The following LRIG3 variants were observed in gnomAD, a reference collection of about 807,000 sequenced individuals.
The protein encoded by LRIG3 is leucine-rich repeats and immunoglobulin-like domains protein 3.
Under a neutral mutation model 114.5 loss-of-function variants are expected in LRIG3, and 76 were observed. The observed-to-expected ratio is 0.66, with a 90% CI of 0.55 to 0.80. The LOEUF (loss-of-function observed/expected upper bound fraction) is 0.80. LRIG3 is among the 30% of genes least tolerant of loss of function. The pLI is 0.00. For synonymous variants in LRIG3, 512 were observed against 519.8 expected (o/e 0.98, Z 0.20); for missense variants, 1,239 against 1,382.8 (o/e 0.90, Z 1.65).
intron 8 of LRIG3, 177 bp from the exon 9 acceptor site, chr12:58,887,067 C>T (rs1284802488): frequency 3.8e-6 from 2 of 529,400 alleles, no homozygotes; most frequent in African/African-American, 3.9e-5. Context: ...TGCCTGATTC[C>T]CTCAACAACA....
intron 1 of LRIG3, chr12:58,919,649 G>T: frequency 7.2e-7 from 1 of 1,379,608 alleles, no homozygotes; most frequent in Non-Finnish European, 9.7e-7. Flanking sequence ...GCAGGTTGCC[G>T]CTTATCTCCC....
intron 3 of LRIG3, among the ~76,000 whole-genome samples, chr12:58,900,431 C>CT (rs138409645): frequency 0.075 from 11,467 of 152,098 alleles, 488 homozygotes; most frequent in East Asian, 0.11. Context: ...TTGGTATGCA[C>CT]TTTTTATTCT....
intron 1 of LRIG3, among the ~76,000 whole-genome samples, chr12:58,915,909 T>C (rs1171111599): frequency 2.6e-5 from 4 of 152,294 alleles, no homozygotes; most frequent in Non-Finnish European, 4.4e-5. Context: ...GTCTTTCACC[T>C]GGGAGGTAGC....
chr12:58,874,691 A>C (rs1451735811), intron 16 of LRIG3, 118 bp from the exon 17 acceptor site: 15 of 1,349,282 alleles, frequency 1.1e-5, no homozygotes, highest in African/African-American at 1.5e-5. Context: ...TCATATAGAC[A>C]AAAAAATTGC....
intron 15 of LRIG3, among the ~76,000 whole-genome samples, chr12:58,876,928 CTTGA>C (rs1373248973): frequency 1.3e-5 from 2 of 152,208 alleles, no homozygotes; most frequent in African/African-American, 2.4e-5. Context: ...TCGAATTATG[CTTGA>C]TTATTGCCAT....
At chr12:58,877,244 C>A (rs1019504130) in intron 15 of LRIG3, among the ~76,000 whole-genome samples, 156 bp downstream of exon 15, 1 of 152,144 alleles carries the variant, frequency 6.6e-6, no homozygotes. Flanking sequence ...TTATTTGGGG[C>A]TGGAGTTTTT....
chr12:58,909,545 T>C (rs1216370807), intron 3 of LRIG3, among the ~76,000 whole-genome samples: 2 of 152,228 alleles, frequency 1.3e-5, no homozygotes, highest in African/African-American at 2.4e-5. Context: ...GCTTGGTACA[T>C]AGTAGATACT....
Position 58,882,938 on chromosome 12 carries a change from T to C in LRIG3, c.1411A>G (p.Ser471Gly). 1 of 1,614,202 alleles carries C rather than the reference T, an allele frequency of 6.2e-7. No homozygotes were observed. The highest frequency in any genetic ancestry group is 1.3e-5 in the African/African-American group (1 of 75,070). The change falls in exon 12 of 19, where the codon AGT becomes GGT. Residue 471 changes from serine (S) to glycine (G), a missense_variant. Transcript: ENST00000320743. ...TTTAGCAGCTGAGGATGGGCACAACTGGCATTTACAAAGCTCTGAAAGTTG... is the reference window on the plus strand; with the variant it reads ...TTTAGCAGCTGAGGATGGGCACAACCGGCATTTACAAAGCTCTGAAAGTTG... ...ENNFQSFVNA[S>G]CAHPQLLKGR...
chr12:58,913,782 G>T (rs191531180), intron 3 of LRIG3, 200 bp downstream of exon 3: 2 of 546,122 alleles, frequency 3.7e-6, no homozygotes, highest in African/African-American at 3.8e-5. Context: ...AAAGTGTGTT[G>T]TTATAAGAAT....
intron 16 of LRIG3, among the ~76,000 whole-genome samples, chr12:58,876,009 G>A (rs1458150870): frequency 1.3e-5 from 2 of 152,206 alleles, no homozygotes; most frequent in African/African-American, 2.4e-5. Context: ...CTGAGACCAC[G>A]CCACTGCACT....
At chr12:58,918,202 C>G (rs780775389) in intron 1 of LRIG3, among the ~76,000 whole-genome samples, 38 of 152,146 alleles carry the variant, frequency 2.5e-4, no homozygotes, top group Non-Finnish European at 4.4e-4. Context: ...GGAATGTGGG[C>G]TAGTATTGAG....
chr12:58,904,776 C>A, intron 3 of LRIG3, among the ~76,000 whole-genome samples: 1 of 152,122 alleles, frequency 6.6e-6, no homozygotes, highest in East Asian at 1.9e-4. Context: ...GAGCATCCAC[C>A]ATGGGCCAGG....
intron 3 of LRIG3, among the ~76,000 whole-genome samples, chr12:58,899,695 G>C (rs1442398292): frequency 6.6e-6 from 1 of 151,970 alleles, no homozygotes; most frequent in Non-Finnish European, 1.5e-5. Flanking sequence ...TTCATTGTTA[G>C]AAACGTCTTC....
At chr12:58,917,441 C>CA (rs1041432096) in intron 1 of LRIG3, among the ~76,000 whole-genome samples, 29 of 152,144 alleles carry the variant, frequency 1.9e-4, no homozygotes, top group African/African-American at 7.0e-4. Context: ...CAGTTGTGAG[C>CA]AAGGCTTGGC....
At chr12:58,891,494 G>A (rs75172295) in intron 3 of LRIG3, among the ~76,000 whole-genome samples, 2,543 of 152,280 alleles carry the variant, frequency 0.017, 31 homozygotes, top group Non-Finnish European at 0.028. Flanking sequence ...GCACTCATGA[G>A]TTAATTCCCT....
intron 3 of LRIG3, among the ~76,000 whole-genome samples, chr12:58,909,955 C>T (rs1872215053): frequency 6.6e-6 from 1 of 152,200 alleles, no homozygotes; most frequent in African/African-American, 2.4e-5. Flanking sequence ...TTTCAAATAG[C>T]AGCTCTGATC....
chr12:58,880,836 A>T lies in LRIG3; in HGVS notation c.1546T>A (p.Leu516Met). The T allele has an allele frequency of 6.2e-7, 1 of 1,614,188 alleles. No individual in the cohort carries two copies. Among genetic ancestry groups the T allele is most frequent in the Non-Finnish European group, 8.5e-7 (1 of 1,180,014 alleles). ...CTGGCAGCTGAGCAGATGAAACTCA[A>T]ATTGGAACCTTTTATTGCCGACTGT... ...ETQSAIKGSN[L>M]SFICSAASSS... Residue 516 changes from leucine to methionine, a missense_variant, in exon 13 of 19, where the codon TTG (leucine) becomes ATG (methionine). Coordinates refer to ENST00000320743, the MANE Select transcript of LRIG3 (RefSeq NM_153377.5).
intron 3 of LRIG3, among the ~76,000 whole-genome samples, chr12:58,908,876 A>C (rs1003303033): frequency 2.0e-5 from 3 of 152,222 alleles, no homozygotes; most frequent in African/African-American, 7.2e-5. Flanking sequence ...GTGCTGAGGA[A>C]AAGAAGAGTT....
chr12:58,894,955 G>C (rs1871588495), intron 3 of LRIG3, among the ~76,000 whole-genome samples: 1 of 152,138 alleles, frequency 6.6e-6, no homozygotes, highest in Non-Finnish European at 1.5e-5. Context: ...CTGGGGACTT[G>C]GGTTGGTCAG....
Sources: gnomAD v4.1 joint callset for allele counts (sites outside exome capture counted in the v4.1 genomes callset) on GRCh38, gnomAD v4.1.1 for gene constraint, MANE v1.5 for transcripts, NCBI Gene and HGNC (gene_info 2026-07-23, HGNC 2026-07-21) for gene names.